BST1: variants seen among roughly 807,000 people sequenced by gnomAD.
BST1 encodes ADP-ribosyl cyclase/cyclic ADP-ribose hydrolase 2.
In BST1, 49 loss-of-function variants were observed where a neutral mutation model predicts 40.6. The ratio of observed to expected loss-of-function variants is 1.21; its 90% CI spans 0.96 to 1.53. The LOEUF is 1.53. Among genes scored for constraint, BST1 ranks in the 40% most tolerant of loss-of-function variants. The pLI is 0.00. For missense variants in BST1, 423 were observed against 395.9 expected (o/e 1.07, Z -0.58); for synonymous variants, 157 against 159.3 (o/e 0.99, Z 0.11).
In BST1 at chr4:15,715,379, T is replaced by C; in HGVS notation, c.611+18T>C. ...ATCAAAGGGTAAGAACACCAGCACA[T>C]TCAAACACAAGAGAGAATGCCAAAA... is the stretch of plus-strand genomic sequence containing the variant. On this transcript the variant is annotated intron_variant, in intron 5 of 8. Transcript: ENST00000265016. 1.2e-6 allele frequency: 2 copies of C among 1,611,890 alleles called. No individual in the cohort carries two copies. The highest frequency in any genetic ancestry group is 8.5e-7 in the Non-Finnish European group (1 of 1,178,040).
At chr4:15,708,404 G>T (rs773455006) in intron 3 of BST1, among the ~76,000 whole-genome samples, 2 of 152,126 alleles carry the variant, frequency 1.3e-5, no homozygotes, top group East Asian at 1.9e-4. Flanking sequence ...ATATCAGCTC[G>T]AGTGATATGG....
At chr4:15,768,521 C>CT in the BST1 span, among the ~76,000 whole-genome samples, 358 of 127,608 alleles carry the variant, frequency 2.8e-3, 1 homozygote, top group Non-Finnish European at 4.5e-3. Flanking sequence ...GAGTCTCACT[C>CT]TGTCACCCAG....
chr4:15,746,975 T>C, the BST1 span, among the ~76,000 whole-genome samples: 1 of 152,200 alleles, frequency 6.6e-6, no homozygotes, highest in Non-Finnish European at 1.5e-5. Flanking sequence ...GATCTGAGTA[T>C]TCCATTCCTC....
At chr4:15,755,278 A>G in the BST1 span, among the ~76,000 whole-genome samples, 5 of 152,084 alleles carry the variant, frequency 3.3e-5, no homozygotes, top group Non-Finnish European at 5.9e-5. Context: ...AGCTGGGATT[A>G]CAGGTGTGCA....
intron 2 of BST1, 131 bp from the exon 3 acceptor site, chr4:15,707,380 C>T (rs1019217722): frequency 6.1e-6 from 6 of 987,026 alleles, no homozygotes; most frequent in South Asian, 2.7e-5. Flanking sequence ...CGAAAAAGAA[C>T]GTTCAGTTGT....
chr4:15,709,857 C>CACATATACACAAT (rs1372731428), intron 3 of BST1, among the ~76,000 whole-genome samples: 1 of 152,098 alleles, frequency 6.6e-6, no homozygotes, highest in Non-Finnish European at 1.5e-5. Context: ...CAAATAAAAA[C>CACATATACACAAT]ACATATACAC....
the BST1 span, among the ~76,000 whole-genome samples, chr4:15,744,617 A>G: frequency 6.6e-6 from 1 of 152,328 alleles, no homozygotes; most frequent in East Asian, 1.9e-4. Context: ...AAAGTTCAAC[A>G]ATAAGCAGCA....
At chr4:15,704,903 A>G (rs1052192689) in intron 1 of BST1, 2 of 768,102 alleles carry the variant, frequency 2.6e-6, no homozygotes, top group African/African-American at 1.7e-5. Flanking sequence ...GATCATTTTT[A>G]TTGTCGCACA....
At chr4:15,738,230 T>C (rs1265610361) in exon 7 of BST1, 1 of 158,196 alleles carries the variant, frequency 6.3e-6, no homozygotes, top group Non-Finnish European at 1.4e-5. Context: ...ACAGAGCGTA[T>C]GTGGGAAGCT....
the BST1 span, among the ~76,000 whole-genome samples, chr4:15,765,424 C>A: frequency 6.6e-6 from 1 of 152,052 alleles, no homozygotes; most frequent in East Asian, 1.9e-4. Flanking sequence ...TCCAAAATGG[C>A]CTCGTTGCTT....
chr4:15,744,732 G>T, the BST1 span, among the ~76,000 whole-genome samples: 8 of 152,162 alleles, frequency 5.3e-5, no homozygotes, highest in Non-Finnish European at 8.8e-5. Context: ...ACTCAGGAGG[G>T]CTGATTGTTC....
chr4:15,723,246 C>CA (rs1553865388), intron 8 of BST1, among the ~76,000 whole-genome samples: 8 of 150,942 alleles, frequency 5.3e-5, no homozygotes, highest in African/African-American at 1.5e-4. Context: ...GTCACACTAC[C>CA]TTTTTTTTTG....
the BST1 span, among the ~76,000 whole-genome samples, chr4:15,770,590 C>T: frequency 5.9e-5 from 9 of 152,164 alleles, no homozygotes; most frequent in Non-Finnish European, 4.4e-5. Flanking sequence ...CTCCCAGCTA[C>T]TCGGGAGGCT....
chr4:15,707,400 G>A (rs1398454316), intron 2 of BST1, 111 bp from the exon 3 acceptor site: 2 of 1,222,636 alleles, frequency 1.6e-6, no homozygotes, highest in African/African-American at 3.0e-5. Flanking sequence ...TTGTGCAGCA[G>A]GTCAGAGTTG....
intron 4 of BST1, among the ~76,000 whole-genome samples, chr4:15,713,298 G>T (rs1183821199): frequency 7.3e-6 from 1 of 136,190 alleles, no homozygotes; most frequent in African/African-American, 2.8e-5. Context: ...TGATTCTCCT[G>T]CCTCAGCCTC....
chr4:15,722,901 A>G lies in BST1; in HGVS notation c.818A>G (p.Asp273Gly), dbSNP rs577316730. ...YRPVKLLQCVDHSTHPDCALK... is the reference protein window; with the variant it reads ...YRPVKLLQCVGHSTHPDCALK... ...CCAGTGAAGCTCTTACAGTGCGTGGACCACAGCACCCATCCTGACTGTGCC... is the reference window on the plus strand; with the variant it reads ...CCAGTGAAGCTCTTACAGTGCGTGGGCCACAGCACCCATCCTGACTGTGCC... The change falls in exon 8 of 9, where the codon GAC (aspartate) becomes GGC (glycine). Residue 273 changes from aspartate (D) to glycine (G), a missense_variant. Physicochemically the swap from Asp to Gly is moderately conservative, Grantham distance 94. Coordinates refer to ENST00000265016, the MANE Select transcript of BST1 (RefSeq NM_004334.3). 6.2e-7 allele frequency: 1 copy of G among 1,613,800 alleles called. No individual in the cohort carries two copies. The highest frequency in any genetic ancestry group is 8.5e-7 in the Non-Finnish European group (1 of 1,179,728).
intron 5 of BST1, 72 bp from the exon 6 acceptor site, chr4:15,715,635 G>T: frequency 9.3e-7 from 1 of 1,076,962 alleles, no homozygotes; most frequent in Non-Finnish European, 1.3e-6. Context: ...TTTAAGAAAG[G>T]TAATGTGTAA....
chr4:15,734,343 T>C (rs1721486731), downstream of BST1, among the ~76,000 whole-genome samples: 1 of 152,140 alleles, frequency 6.6e-6, no homozygotes. Context: ...AAATTTTATT[T>C]TATGTAAACC....
the BST1 span, among the ~76,000 whole-genome samples, chr4:15,753,872 A>G: frequency 6.6e-6 from 1 of 152,184 alleles, no homozygotes; most frequent in Non-Finnish European, 1.5e-5. Flanking sequence ...ATCCGGAAGG[A>G]GAGAGTCCCA....
Sources: allele counts gnomAD v4.1 joint callset (sites outside exome capture counted in the v4.1 genomes callset), GRCh38; gene constraint gnomAD v4.1.1; transcripts MANE v1.5; gene names NCBI Gene and HGNC (gene_info 2026-07-23, HGNC 2026-07-21).